TBC1D22A: variants seen among roughly 807,000 people sequenced by gnomAD.
TBC1D22A encodes putative GTPase activator.
Under a neutral mutation model 60.2 loss-of-function variants are expected in TBC1D22A, and 38 were observed. That is an observed-to-expected ratio of 0.63 (90% CI 0.49 to 0.83). The LOEUF (loss-of-function observed/expected upper bound fraction) is 0.83. Ranked by LOEUF, TBC1D22A falls within the 40% of genes least tolerant of loss-of-function variation. TBC1D22A has a pLI of 0.00. For missense variants in TBC1D22A, 628 were observed against 701.0 expected, an observed-to-expected ratio of 0.90 and a Z score of 1.18; for synonymous variants, 302 against 281.7, an observed-to-expected ratio of 1.07 and a Z score of -0.72.
chr22:46,816,362 G>T (rs922839753), intron 4 of TBC1D22A, among the ~76,000 whole-genome samples: 1 of 152,206 alleles, frequency 6.6e-6, no homozygotes. Flanking sequence ...AGTAAGCTCT[G>T]CCTGGAGCTG....
chr22:47,070,408 GT>G (rs1354610437), intron 11 of TBC1D22A, among the ~76,000 whole-genome samples: 1 of 145,330 alleles, frequency 6.9e-6, no homozygotes, highest in Non-Finnish European at 1.5e-5. Flanking sequence ...TGACCTGACG[GT>G]TCCAGGTTGT....
At chr22:47,173,403 A>T (rs1176031466) in intron 12 of TBC1D22A, 95 bp from the exon 13 acceptor site, 1 of 1,537,368 alleles carries the variant, frequency 6.5e-7, no homozygotes, top group East Asian at 2.3e-5. Context: ...ACCTCCTCTG[A>T]CCTGGGCTTG....
chr22:46,861,156 C>T (rs762299215), intron 4 of TBC1D22A, among the ~76,000 whole-genome samples: 3 of 151,992 alleles, frequency 2.0e-5, no homozygotes, highest in Admixed American at 6.6e-5. Context: ...TGGAGTTTCG[C>T]CCTCTTGCCC....
chr22:46,887,374 A>T (rs542182459), intron 5 of TBC1D22A, among the ~76,000 whole-genome samples: 38 of 152,346 alleles, frequency 2.5e-4, no homozygotes, highest in African/African-American at 8.9e-4. Context: ...TTCTGACAGG[A>T]GTAGAGTCAC....
chr22:46,975,253 G>A (rs1281990382), intron 9 of TBC1D22A, among the ~76,000 whole-genome samples: 1 of 152,190 alleles, frequency 6.6e-6, no homozygotes, highest in Non-Finnish European at 1.5e-5. Flanking sequence ...TGCTCCGGAA[G>A]CTCACTCGGG....
At chr22:46,955,603 A>C (rs991688025) in intron 8 of TBC1D22A, among the ~76,000 whole-genome samples, 5 of 152,258 alleles carry the variant, frequency 3.3e-5, no homozygotes, top group African/African-American at 1.2e-4. Context: ...ATAAGCAGAC[A>C]TGTTACAAAG....
rs544433389 is a variant in TBC1D22A at position 46,764,204 on chromosome 22, C to T, written c.62+1356C>T. Reference sequence around the variant, plus strand: ...AATGAAGGGAGTCATCAAAGGTGGCCGGAGACCCTATTCGACTCCACAGGA... The same window carrying T: ...AATGAAGGGAGTCATCAAAGGTGGCTGGAGACCCTATTCGACTCCACAGGA... On this transcript the variant is annotated intron_variant, in intron 1 of 12. Coordinates refer to ENST00000337137, the MANE Select transcript of TBC1D22A (RefSeq NM_014346.5). 3.3e-5 allele frequency: 5 copies of T among 152,116 alleles called. No homozygotes were observed. In the East Asian group the frequency reaches 5.8e-4, roughly 18 times the overall value. The allele number at this position is 152,116 out of a possible 1,614,324, so 9.4% of individuals were successfully genotyped here.
At chr22:46,966,861 T>G (rs887047982) in intron 8 of TBC1D22A, among the ~76,000 whole-genome samples, 2 of 152,198 alleles carry the variant, frequency 1.3e-5, no homozygotes, top group African/African-American at 4.8e-5. Flanking sequence ...GACTCCTGAC[T>G]GCGGGTCTGC....
chr22:46,982,914 T>G (rs2074571169), intron 9 of TBC1D22A, among the ~76,000 whole-genome samples: 1 of 152,204 alleles, frequency 6.6e-6, no homozygotes, highest in Non-Finnish European at 1.5e-5. Context: ...CTTAGAAATG[T>G]CTGGGGTGCT....
chr22:46,982,225 T>C (rs1246127137), intron 9 of TBC1D22A, among the ~76,000 whole-genome samples: 3 of 146,556 alleles, frequency 2.0e-5, no homozygotes, highest in Non-Finnish European at 4.5e-5. Flanking sequence ...TAAGAGACAG[T>C]CTTTTTTTTT....
intron 4 of TBC1D22A, among the ~76,000 whole-genome samples, chr22:46,867,382 G>T (rs1016451340): frequency 6.6e-5 from 10 of 152,192 alleles, no homozygotes; most frequent in African/African-American, 2.4e-4. Context: ...GAACCAAGTG[G>T]TGACTTTGAA....
intron 11 of TBC1D22A, among the ~76,000 whole-genome samples, chr22:47,082,331 A>C (rs1306043531): frequency 2.6e-5 from 4 of 152,194 alleles, no homozygotes; most frequent in African/African-American, 9.7e-5. Flanking sequence ...AGAACAACTA[A>C]GTTTGAGAAC....
chr22:47,107,428 G>T (rs1194641956), intron 11 of TBC1D22A, among the ~76,000 whole-genome samples: 1 of 152,020 alleles, frequency 6.6e-6, no homozygotes, highest in Non-Finnish European at 1.5e-5. Context: ...AAGAATAGAG[G>T]GGAACCCAAC....
At chr22:47,154,612 T>G (rs544604328) in intron 12 of TBC1D22A, among the ~76,000 whole-genome samples, 1 of 152,150 alleles carries the variant, frequency 6.6e-6, no homozygotes, top group South Asian at 2.1e-4. Flanking sequence ...GCCTGTCCTG[T>G]CAGCCTGCCC....
chr22:46,988,521 A>G (rs1225813940), intron 9 of TBC1D22A, among the ~76,000 whole-genome samples: 1 of 152,256 alleles, frequency 6.6e-6, no homozygotes, highest in Non-Finnish European at 1.5e-5. Context: ...ATCAGCAGGC[A>G]TGAACACAAC....
chr22:47,130,568 C>T (rs140586797), intron 12 of TBC1D22A, among the ~76,000 whole-genome samples: 19 of 152,344 alleles, frequency 1.2e-4, no homozygotes, highest in African/African-American at 4.6e-4. Flanking sequence ...CAGTGTCCAG[C>T]ATTGCTTCTG....
At chr22:47,030,912 C>G (rs4494) in intron 10 of TBC1D22A, among the ~76,000 whole-genome samples, 62,175 of 152,190 alleles carry the variant, frequency 0.41, 15,009 homozygotes, top group African/African-American at 0.68. Flanking sequence ...CACGTCCCGG[C>G]GGGGTGAGGC....
rs114816848 is a variant in TBC1D22A at position 47,050,050 on chromosome 22, G to A, written c.1329+12852G>A. Among the ~76,000 whole-genome samples the A allele has an allele frequency of 1.8e-3, 269 of 151,630 alleles. 1 individual carries two copies. The highest frequency in any genetic ancestry group is 6.4e-3 in the African/African-American group (265 of 41,302). On this transcript the variant is annotated intron_variant, in intron 11 of 12. Transcript: ENST00000337137. ...GAGAAGTCTCGCCCTTGTCCCCCAG[G>A]CTTGAGTGCAGTGGCTCGATCTCAG...
intron 11 of TBC1D22A, among the ~76,000 whole-genome samples, chr22:47,104,502 C>T (rs1158979169): frequency 6.6e-6 from 1 of 152,010 alleles, no homozygotes; most frequent in East Asian, 1.9e-4. Flanking sequence ...TAAGACCAGC[C>T]TGACCAACAT....
Sources: gnomAD v4.1 joint callset for allele counts (sites outside exome capture counted in the v4.1 genomes callset) on GRCh38, gnomAD v4.1.1 for gene constraint, MANE v1.5 for transcripts, NCBI Gene and HGNC (gene_info 2026-07-23, HGNC 2026-07-21) for gene names.